The following PCDHA5 variants were observed in gnomAD, a reference collection of about 807,000 sequenced individuals.
The protein encoded by PCDHA5 is protocadherin alpha-5.
A neutral mutation model predicts 61.6 loss-of-function variants in PCDHA5; 43 were observed. The ratio of observed to expected loss-of-function variants is 0.70; its 90% CI spans 0.55 to 0.90. The LOEUF (loss-of-function observed/expected upper bound fraction) is 0.90. PCDHA5 is among the 40% of genes least tolerant of loss of function. The pLI is 0.00. For synonymous variants in PCDHA5, 627 were observed against 543.9 expected (o/e 1.15, Z -2.13); for missense variants, 1,298 against 1,222.7 (o/e 1.06, Z -0.92).
chr5:140,989,509 T>G (rs1554250840), intron 3 of PCDHA5, among the ~76,000 whole-genome samples: 1 of 152,196 alleles, frequency 6.6e-6, no homozygotes, highest in African/African-American at 2.4e-5. Context: ...GCTTATAACC[T>G]GAGTTGAGGG....
intron 1 of PCDHA5, among the ~76,000 whole-genome samples, chr5:140,966,049 A>AC (rs2095962296): frequency 6.6e-6 from 1 of 152,102 alleles, no homozygotes; most frequent in African/African-American, 2.4e-5. Context: ...ATCGCCAGTA[A>AC]CCCCAGAGCG....
chr5:140,836,312 G>T, intron 1 of PCDHA5: 1 of 1,613,712 alleles, frequency 6.2e-7, no homozygotes, highest in Middle Eastern at 1.6e-4. Flanking sequence ...CGGACGCACC[G>T]CGCCACCGCC....
chr5:140,946,974 G>A (rs1554217987), intron 1 of PCDHA5, among the ~76,000 whole-genome samples: 1 of 151,636 alleles, frequency 6.6e-6, no homozygotes, highest in African/African-American at 2.4e-5. Context: ...TTATAGAATA[G>A]AGGATTTTGA....
intron 3 of PCDHA5, among the ~76,000 whole-genome samples, chr5:140,985,666 A>G (rs547448150): frequency 1.3e-5 from 2 of 151,942 alleles, no homozygotes; most frequent in South Asian, 4.2e-4. Flanking sequence ...GAATAAAGGA[A>G]GTGGGGCCTG....
intron 1 of PCDHA5, chr5:140,877,802 A>C: frequency 6.2e-7 from 1 of 1,613,434 alleles, no homozygotes; most frequent in Non-Finnish European, 8.5e-7. Flanking sequence ...CCAAGCCTTC[A>C]GCTGTCTCGA....
intron 1 of PCDHA5, chr5:140,836,027 C>G: frequency 6.2e-7 from 1 of 1,613,456 alleles, no homozygotes; most frequent in Non-Finnish European, 8.5e-7. Context: ...TGGGCAGCAA[C>G]GTGACGCTGC....
At chr5:140,858,510 T>A (rs565313627) in intron 1 of PCDHA5, 1 of 1,437,158 alleles carries the variant, frequency 7.0e-7, no homozygotes. Context: ...TTCTCAAATA[T>A]GTATCAGAAT....
intron 1 of PCDHA5, chr5:140,835,907 G>T (rs2150248091): frequency 6.2e-7 from 1 of 1,612,200 alleles, no homozygotes. Flanking sequence ...CGAGCTACGT[G>T]TCAGTGCACG....
intron 1 of PCDHA5, chr5:140,829,536 C>G: frequency 6.2e-7 from 1 of 1,613,152 alleles, no homozygotes; most frequent in Non-Finnish European, 8.5e-7. Context: ...GCGCGAGACG[C>G]GGACGCGCAG....
chr5:140,874,624 A>G (rs1554167312), intron 1 of PCDHA5, among the ~76,000 whole-genome samples: 3 of 152,242 alleles, frequency 2.0e-5, no homozygotes, highest in African/African-American at 2.4e-5. Flanking sequence ...AACATTTTAC[A>G]TTAAAGTGCT....
chr5:140,907,109 C>T (rs6883830), intron 1 of PCDHA5, among the ~76,000 whole-genome samples: 5,598 of 152,160 alleles, frequency 0.037, 292 homozygotes, highest in African/African-American at 0.12. Flanking sequence ...CCACTTCCAC[C>T]CCTTGATTCC....
chr5:140,946,387 T>C (rs1168775484), intron 1 of PCDHA5, among the ~76,000 whole-genome samples: 3 of 151,786 alleles, frequency 2.0e-5, no homozygotes, highest in African/African-American at 7.3e-5. Context: ...TTGGTAGGAA[T>C]GTAAATTAGT....
At chr5:140,983,272 G>A (rs2097037556) in intron 3 of PCDHA5, among the ~76,000 whole-genome samples, 1 of 152,176 alleles carries the variant, frequency 6.6e-6, no homozygotes, top group African/African-American at 2.4e-5. Context: ...TAATGGCTGG[G>A]TGAGTATAGG....
chr5:140,984,981 A>G (rs2097130201), intron 3 of PCDHA5, among the ~76,000 whole-genome samples: 1 of 151,972 alleles, frequency 6.6e-6, no homozygotes, highest in South Asian at 2.1e-4. Flanking sequence ...TCTGTCCCCC[A>G]GGCTGGAGTC....
In PCDHA5 at chr5:140,843,765, A is replaced by G. The variant is rs2150366342; in HGVS notation, c.2352+19638A>G. 3 of 1,487,856 alleles carry G rather than the reference A, an allele frequency of 2.0e-6. No homozygotes were observed. In the South Asian group the frequency reaches 3.6e-5, roughly 18 times the overall value. The allele number at this position is 1,487,856 out of a possible 1,614,324, so 92.2% of individuals were successfully genotyped here. On this transcript the variant is annotated intron_variant, in intron 1 of 3. Transcript: ENST00000529859. ...CATAAATTCTATTTGTGGAAATTGT[A>G]GTTACTTTAAAAGTGTTTCAGATTT...
intron 1 of PCDHA5, chr5:140,835,452 C>T (rs2150236054): frequency 6.2e-7 from 1 of 1,613,908 alleles, no homozygotes; most frequent in East Asian, 2.2e-5. Flanking sequence ...TTCCCTGTCT[C>T]TCCCTATTCC....
chr5:140,938,945 T>C (rs1390189208), intron 1 of PCDHA5, among the ~76,000 whole-genome samples: 8 of 152,154 alleles, frequency 5.3e-5, no homozygotes, highest in African/African-American at 1.9e-4. Flanking sequence ...TCCATTCTTA[T>C]AATGCTCTAG....
At chr5:140,830,593 A>C in intron 1 of PCDHA5, 1 of 705,892 alleles carries the variant, frequency 1.4e-6, no homozygotes, top group Non-Finnish European at 2.1e-6. Flanking sequence ...TAATTTTACA[A>C]AATTACATAT....
chr5:140,966,318 C>A, intron 1 of PCDHA5: 1 of 389,680 alleles, frequency 2.6e-6, no homozygotes, highest in African/African-American at 2.1e-5. Context: ...TCCTGCGGTC[C>A]GCTGGGATCC....
Sources: allele counts gnomAD v4.1 joint callset (sites outside exome capture counted in the v4.1 genomes callset), GRCh38; gene constraint gnomAD v4.1.1; transcripts MANE v1.5; gene names NCBI Gene and HGNC (gene_info 2026-07-23, HGNC 2026-07-21).